Variants in POU2F2 observed in about 807,000 individuals in gnomAD.
The protein encoded by POU2F2 is POU domain, class 2, transcription factor 2.
POU2F2 carries 14 observed loss-of-function variants against 63.5 expected under a neutral mutation model. The ratio of observed to expected loss-of-function variants is 0.22; its 90% CI spans 0.15 to 0.34. The LOEUF (loss-of-function observed/expected upper bound fraction) is 0.34, where lower values mean the gene tolerates loss of function less well. Among genes scored for constraint, POU2F2 ranks in the 10% least tolerant of loss-of-function variants. The pLI is 1.00. For missense variants in POU2F2, 607 were observed against 815.2 expected (o/e 0.74, Z 3.11); for synonymous variants, 306 against 348.6 (o/e 0.88, Z 1.36).
chr19:42,166,771 G>T (rs1216969567), intron 1 of POU2F2, among the ~76,000 whole-genome samples: 1 of 152,104 alleles, frequency 6.6e-6, no homozygotes, highest in Admixed American at 6.5e-5. Context: ...GCTGCTCTGA[G>T]GCTCAGGTAG....
rs1040337964 is a variant in POU2F2, at chr19:42,091,708, C to A, written c.1541-117G>T. On this transcript the variant is annotated intron_variant, in intron 14 of 14. Transcript: ENST00000692977. ...CCCCATCGGTCCCACTGACCCCCATCAGCACCCCTCACACCTTCCCCAAAG... is the reference window on the plus strand; with the variant it reads ...CCCCATCGGTCCCACTGACCCCCATAAGCACCCCTCACACCTTCCCCAAAG... 31 of 1,551,252 alleles carry A rather than the reference C, an allele frequency of 2.0e-5. No individual in the cohort carries two copies. In the African/African-American group the frequency reaches 4.0e-4, roughly 20 times the overall value.
chr19:42,157,859 G>A (rs1361862985), intron 2 of POU2F2, among the ~76,000 whole-genome samples: 10 of 152,136 alleles, frequency 6.6e-5, no homozygotes, highest in Admixed American at 6.5e-4. Flanking sequence ...GGAAGGGCCA[G>A]AAGGGAGAGG....
intron 2 of POU2F2, among the ~76,000 whole-genome samples, chr19:42,147,301 G>A (rs569143714): frequency 4.6e-5 from 7 of 152,122 alleles, no homozygotes; most frequent in African/African-American, 1.2e-4. Flanking sequence ...CAGGCCCTTC[G>A]CATGTGCCAT....
At chr19:42,135,846 GA>G (rs2033999688), upstream of POU2F2, among the ~76,000 whole-genome samples, 1 of 151,906 alleles carries the variant, frequency 6.6e-6, no homozygotes, top group Admixed American at 6.6e-5. Context: ...GAGTAGCCGG[GA>G]TTACAGGTGC....
intron 2 of POU2F2, among the ~76,000 whole-genome samples, chr19:42,138,745 G>A (rs2034068402): frequency 6.6e-6 from 1 of 152,080 alleles, no homozygotes; most frequent in African/African-American, 2.4e-5. Context: ...GCTGGGCTGG[G>A]GTGGCTGGGT....
At chr19:42,189,591 C>G (rs941257779) in intron 1 of POU2F2, among the ~76,000 whole-genome samples, 6 of 152,190 alleles carry the variant, frequency 3.9e-5, no homozygotes, top group Admixed American at 6.5e-5. Flanking sequence ...AAGAGTCGGT[C>G]TCTGTTGCTG....
chr19:42,186,950 T>C (rs1269679125), intron 1 of POU2F2, among the ~76,000 whole-genome samples: 1 of 152,140 alleles, frequency 6.6e-6, no homozygotes, highest in Non-Finnish European at 1.5e-5. Context: ...CTATGAGACA[T>C]GTCCTGGATC....
Position 42,091,561 on chromosome 19 carries a change from G to A in POU2F2, c.1571C>T (p.Thr524Ile). 1.3e-6 allele frequency: 2 copies of A among 1,553,030 alleles called. No homozygotes were observed. Among genetic ancestry groups the A allele is most frequent in the Non-Finnish European group, 1.7e-6 (2 of 1,147,454 alleles). The change falls in exon 15 of 15, where the codon ACC becomes ATC. Residue 524 changes from threonine to isoleucine, a missense_variant. Thr to Ile is a moderately conservative substitution (Grantham distance 89). Coordinates refer to ENST00000692977, the MANE Select transcript of POU2F2 (RefSeq NM_001394376.1). Reference sequence around the variant, plus strand: ...CAGATTCCCGCTGCCATCAAGGCTGGTAAGGGGCAGGGTTCCACCAGAGGC... The same window carrying A: ...CAGATTCCCGCTGCCATCAAGGCTGATAAGGGGCAGGGTTCCACCAGAGGC... Reference protein sequence around the residue: ...ALASGGTLPLTSLDGSGNLVL... With the variant: ...ALASGGTLPLISLDGSGNLVL...
intron 1 of POU2F2, 120 bp downstream of exon 1, chr19:42,132,264 A>G: frequency 1.7e-6 from 2 of 1,148,630 alleles, no homozygotes; most frequent in Non-Finnish European, 2.5e-6. Context: ...GGGAGTTGCT[A>G]GAGTACAGAG....
chr19:42,119,686 C>G (rs2032356401), intron 4 of POU2F2, among the ~76,000 whole-genome samples: 1 of 152,090 alleles, frequency 6.6e-6, no homozygotes, highest in African/African-American at 2.4e-5. Flanking sequence ...ATCGCTTGAA[C>G]CCAGGAGGTG....
Position 42,188,604 on chromosome 19 carries a change from G to A in POU2F2, c.-70+7779C>T, listed in dbSNP as rs545208067. Among the ~76,000 whole-genome samples, 788 of 150,250 alleles carry A rather than the reference G, an allele frequency of 5.2e-3. 8 individuals are homozygous for A. The highest frequency in any genetic ancestry group is 0.031 in the Middle Eastern group (9 of 294). ...GAGAATTGCTTGAACCCAGGAGGCGGAGGTTGCAGTGAGCCGAGATTGCGC... is the reference window on the plus strand; with the variant it reads ...GAGAATTGCTTGAACCCAGGAGGCGAAGGTTGCAGTGAGCCGAGATTGCGC... On this transcript the variant is annotated intron_variant, in intron 1 of 5. Transcript: ENST00000532176.
At position 42,096,179 on chromosome 19, in the gene POU2F2, T is replaced by C; in HGVS notation, c.632A>G (p.Glu211Gly). The C allele has an allele frequency of 1.9e-6, 3 of 1,610,368 alleles. No individual in the cohort carries two copies. The highest frequency in any genetic ancestry group is 2.5e-6 in the Non-Finnish European group (3 of 1,178,346). Residue 211 changes from glutamate (E) to glycine (G), a missense_variant, in exon 8 of 15, where the codon GAG becomes GGG. Glu to Gly is a moderately conservative substitution (Grantham distance 98, BLOSUM62 -2). Coordinates refer to ENST00000692977, the MANE Select transcript of POU2F2 (RefSeq NM_001394376.1). This position sits in a 1 kb window ranked among gnomAD's most constrained non-coding sequence, Gnocchi z 4.1. ...GGGCTCCTCGGGGTGGGATGGTGGC[T>C]CCAAGCATTTGGGGGGCTGCGGGTG... Reference protein sequence around the residue: ...LSHPQPPKCLEPPSHPEEPSD... With the variant: ...LSHPQPPKCLGPPSHPEEPSD...
chr19:42,129,126 C>T (rs2033471341), intron 1 of POU2F2, among the ~76,000 whole-genome samples: 1 of 152,136 alleles, frequency 6.6e-6, no homozygotes, highest in African/African-American at 2.4e-5. Flanking sequence ...AGCCACCGCA[C>T]CCAGCCCCCT....
At chr19:42,100,085 CTTTTTTTTTTTTTTTTTT>C (rs948283094) in intron 5 of POU2F2, among the ~76,000 whole-genome samples, 2 of 77,068 alleles carry the variant, frequency 2.6e-5, no homozygotes, top group African/African-American at 4.9e-5. Flanking sequence ...CCCTTTCTTT[CTTTTTTTTTTTTTTTTTT>C]TTTTTTTTTT....
At chr19:42,157,567 T>G (rs1348185037) in intron 2 of POU2F2, 1 of 152,268 alleles carries the variant, frequency 6.6e-6, no homozygotes, top group Non-Finnish European at 1.5e-5. Flanking sequence ...AGCTCATGCT[T>G]GCTGAGCACT....
rs775249365 is a variant in POU2F2 at position 42,094,362 on chromosome 19, A to G, written c.1198-467T>C. Among the ~76,000 whole-genome samples, 35 of 152,204 alleles carry G rather than the reference A, an allele frequency of 2.3e-4. 1 individual carries two copies. Among genetic ancestry groups the G allele is most frequent in the Non-Finnish European group, 4.1e-4 (28 of 68,036 alleles). On this transcript the variant is annotated intron_variant, in intron 11 of 14. Coordinates refer to ENST00000692977, the MANE Select transcript of POU2F2 (RefSeq NM_001394376.1). The stretch of plus-strand genomic sequence containing the variant: ...AAAGTGCGAGGCTAAATGGATGCAT[A>G]TCTTTGCATCGGGGTGTTGAGATGT...
chr19:42,173,482 T>C (rs1197123409), intron 1 of POU2F2, among the ~76,000 whole-genome samples: 1 of 151,382 alleles, frequency 6.6e-6, no homozygotes, highest in Non-Finnish European at 1.5e-5. Flanking sequence ...TTCTGGCTTA[T>C]AGGCCCTGCA....
At chr19:42,104,639 T>C (rs2077267182) in intron 5 of POU2F2, among the ~76,000 whole-genome samples, 1 of 152,136 alleles carries the variant, frequency 6.6e-6, no homozygotes, top group Non-Finnish European at 1.5e-5. Flanking sequence ...TGGTACTGTT[T>C]GTGTCACACA....
chr19:42,108,694 C>T (rs1316059235), intron 5 of POU2F2, among the ~76,000 whole-genome samples: 1 of 152,216 alleles, frequency 6.6e-6, no homozygotes, highest in African/African-American at 2.4e-5. Context: ...TCTCCACAAT[C>T]CAGCGGCAGC....
Sources: allele counts gnomAD v4.1 joint callset (sites outside exome capture counted in the v4.1 genomes callset), GRCh38; gene constraint gnomAD v4.1.1; non-coding constraint Gnocchi (gnomAD v3.1); transcripts MANE v1.5; gene names NCBI Gene and HGNC (gene_info 2026-07-23, HGNC 2026-07-21).